The following MTFR2 variants were observed in gnomAD, a reference collection of about 807,000 sequenced individuals.
MTFR2 encodes mitochondrial fission regulator 2, also known as DUF729 domain-containing protein 1.
A neutral mutation model predicts 41.2 loss-of-function variants in MTFR2; 44 were observed. That is an observed-to-expected ratio of 1.07 (90% confidence interval 0.84 to 1.37). The LOEUF is 1.37. MTFR2 is among the 40% of genes most tolerant of loss of function. The probability of loss-of-function intolerance (pLI) is 0.00; values close to 1 mark genes in which losing one functional copy is unlikely to be tolerated. For missense variants in MTFR2, 452 were observed against 459.5 expected (o/e 0.98, Z 0.15); for synonymous variants, 141 against 154.6 (o/e 0.91, Z 0.65).
intron 2 of MTFR2, chr6:136,248,761 C>T: frequency 5.0e-6 from 2 of 400,466 alleles, no homozygotes; most frequent in Non-Finnish European, 4.4e-6. Context: ...TTTAATGTAT[C>T]TGTGCAATAA....
At position 136,242,296 on chromosome 6, in the gene MTFR2, T is replaced by C. The variant is rs79567913; in HGVS notation, c.281+565A>G. ...AACCAAAATAATTACCTGCAATTGT[T>C]CTACTTATTAACTTTAAACGCAGGT... On this transcript the variant is annotated intron_variant, in intron 4 of 7. Coordinates refer to ENST00000420702, the MANE Select transcript of MTFR2 (RefSeq NM_001099286.3). Among the ~76,000 whole-genome samples the C allele has an allele frequency of 4.5e-3, 679 of 152,278 alleles. 14 individuals are homozygous for C. The highest frequency in any genetic ancestry group is 0.034 in the Admixed American group (527 of 15,288).
rs530975360 is a variant in MTFR2 at position 136,236,888 on chromosome 6, T to G, written c.869+2578A>C. ...TCCTACTAAAATGACAGTAAAGAAA[T>G]GAAAAAGATCTATATATCCACAAGG... is the stretch of plus-strand genomic sequence containing the variant. On this transcript the variant is annotated intron_variant, in intron 6 of 7. Transcript: ENST00000420702. Among the ~76,000 whole-genome samples, 15 of 151,980 alleles carry G rather than the reference T, an allele frequency of 9.9e-5. No homozygotes were observed. The South Asian group carries it at 3.1e-3, about 32-fold the overall frequency.
chr6:136,240,818 G>A (rs532154326), intron 5 of MTFR2, among the ~76,000 whole-genome samples: 332 of 152,292 alleles, frequency 2.2e-3, no homozygotes, highest in Non-Finnish European at 3.2e-3. Flanking sequence ...AGGGCCGGGC[G>A]CGGTGGCTCA....
chr6:136,242,103 A>C (rs1007786694), intron 4 of MTFR2, among the ~76,000 whole-genome samples: 1 of 150,624 alleles, frequency 6.6e-6, no homozygotes, highest in Non-Finnish European at 1.5e-5. Flanking sequence ...AAAAAAAAAA[A>C]AAAAACCTAC....
intron 5 of MTFR2, among the ~76,000 whole-genome samples, chr6:136,240,825 C>A (rs967816120): frequency 6.6e-6 from 1 of 150,854 alleles, no homozygotes; most frequent in Non-Finnish European, 1.5e-5. Context: ...GGCGCGGTGG[C>A]TCACGCCTGT....
chr6:136,231,491 T>C, intron 7 of MTFR2, 103 bp from the exon 8 acceptor site: 2 of 685,486 alleles, frequency 2.9e-6, no homozygotes, highest in South Asian at 3.6e-5. Context: ...TCATTCACAA[T>C]ATTTATTTAC....
Position 136,249,151 on chromosome 6 carries a change from T to C in MTFR2, c.-52A>G. On this transcript the variant is annotated splice_region_variant and 5_prime_UTR_variant, in exon 2 of 8. Coordinates refer to ENST00000420702, the MANE Select transcript of MTFR2 (RefSeq NM_001099286.3). ...CAAAGGAACATTATCAGTTTCTTGG[T>C]GCCTTTGGGGAAAATTTTAGAAAAT... 1 of 1,475,464 alleles carries C rather than the reference T, an allele frequency of 6.8e-7. No homozygotes were observed. The highest frequency in any genetic ancestry group is 9.1e-7 in the Non-Finnish European group (1 of 1,098,106). The allele number at this position is 1,475,464 out of a possible 1,614,324, so 91.4% of individuals were successfully genotyped here. A position where few individuals can be genotyped will look rare whatever the true frequency, so the allele number is the denominator to read the frequency against.
chr6:136,238,350 T>C (rs1779959881), intron 6 of MTFR2, among the ~76,000 whole-genome samples: 1 of 152,196 alleles, frequency 6.6e-6, no homozygotes, highest in Non-Finnish European at 1.5e-5. Flanking sequence ...GGCTCTTGCC[T>C]GTAATCCCAG....
chr6:136,231,871 A>C (rs1179449609), intron 7 of MTFR2, among the ~76,000 whole-genome samples: 1 of 149,074 alleles, frequency 6.7e-6, no homozygotes, highest in Non-Finnish European at 1.5e-5. Flanking sequence ...AAACATCCTC[A>C]AATTTTAAGA....
Position 136,231,287 on chromosome 6 carries a change from G to A in MTFR2, c.1146C>T (p.Asn382=). Residue 382 remains asparagine (N), a synonymous_variant, in exon 8 of 8, where the codon AAC becomes AAT. Coordinates refer to ENST00000420702, the MANE Select transcript of MTFR2 (RefSeq NM_001099286.3). ...DQGISNTSLL[N]SRI ...CCTTAAGTTGAGTTTAAATCCTTGA[G>A]TTTAGAAGGCTTGTGTTGCTGATAC... 1.9e-6 allele frequency: 3 copies of A among 1,608,646 alleles called. No homozygotes were observed. The highest frequency in any genetic ancestry group is 2.5e-6 in the Non-Finnish European group (3 of 1,176,774).
At chr6:136,237,045 T>A (rs1336610253) in intron 6 of MTFR2, among the ~76,000 whole-genome samples, 1 of 152,114 alleles carries the variant, frequency 6.6e-6, no homozygotes, top group African/African-American at 2.4e-5. Flanking sequence ...ATAAGACACT[T>A]CTCTCTTGCT....
At chr6:136,241,821 GTAATCCCAACACTTT>G in intron 4 of MTFR2, 145 bp from the exon 5 acceptor site, 1 of 663,642 alleles carries the variant, frequency 1.5e-6, no homozygotes, top group Non-Finnish European at 2.5e-6. Context: ...GCTCACACCT[GTAATCCCAACACTTT>G]GGGGGCTGAG....
intron 6 of MTFR2, among the ~76,000 whole-genome samples, chr6:136,237,129 G>A: frequency 6.6e-6 from 1 of 152,144 alleles, no homozygotes; most frequent in East Asian, 1.9e-4. Context: ...CTGACCACAA[G>A]GGAGAATGAA....
rs1176192226 is a variant in MTFR2 at position 136,250,067 on chromosome 6, T to G, written c.-146A>C. 3 of 152,202 alleles carry G rather than the reference T, an allele frequency of 2.0e-5. No individual in the cohort carries two copies. The highest frequency in any genetic ancestry group is 2.9e-5 in the Non-Finnish European group (2 of 68,070). 9.4% of individuals were successfully genotyped at this position (152,202 alleles called of 1,614,324 possible). Reference sequence around the variant, plus strand: ...TCAAATTCCAGACTGCGCCACTCCTTGTGCAGATCGCTCAGACGTCTACCC... The same window carrying G: ...TCAAATTCCAGACTGCGCCACTCCTGGTGCAGATCGCTCAGACGTCTACCC... On this transcript the variant is annotated 5_prime_UTR_variant, in exon 1 of 8. Coordinates refer to ENST00000420702, the MANE Select transcript of MTFR2 (RefSeq NM_001099286.3).
chr6:136,236,083 T>C (rs1375112769), intron 6 of MTFR2, among the ~76,000 whole-genome samples: 1 of 152,162 alleles, frequency 6.6e-6, no homozygotes, highest in Non-Finnish European at 1.5e-5. Context: ...TTTTCATGGG[T>C]AGAAGGCAGC....
chr6:136,247,393 T>C, intron 2 of MTFR2: 1 of 396,468 alleles, frequency 2.5e-6, no homozygotes, highest in South Asian at 1.8e-5. Context: ...ACTTTCATTC[T>C]GTTCTTTAAG....
chr6:136,243,009 G>C, intron 3 of MTFR2, 36 bp from the exon 4 acceptor site: 1 of 1,470,564 alleles, frequency 6.8e-7, no homozygotes, highest in Non-Finnish European at 9.3e-7. Context: ...TCAGAGCTCT[G>C]CAGGGAGTCA....
intron 6 of MTFR2, among the ~76,000 whole-genome samples, chr6:136,239,045 G>A (rs1779980001): frequency 6.6e-6 from 1 of 152,192 alleles, no homozygotes; most frequent in Non-Finnish European, 1.5e-5. Flanking sequence ...TACAGCCTGG[G>A]TTACAATATG....
In MTFR2 at chr6:136,244,861, C is replaced by G. The variant is rs1329937615; in HGVS notation, c.72G>C (p.Leu24=). The change falls in exon 3 of 8, where the codon CTG becomes CTC. Residue 24 remains leucine (L), a synonymous_variant. Transcript: ENST00000420702. ...ATCCATAGTCTTTATTTTCCCAAAT[C>G]AGCAAAACCTATTTTAAACATAAAG... is the stretch of plus-strand genomic sequence containing the variant. The part of the protein sequence containing the change: ...YFGVPVEQVL[L]IWENKDYGST... The G allele has an allele frequency of 2.5e-6, 4 of 1,604,120 alleles. No homozygotes were observed. The highest frequency in any genetic ancestry group is 3.4e-6 in the Non-Finnish European group (4 of 1,174,032).
Sources: allele counts gnomAD v4.1 joint callset (sites outside exome capture counted in the v4.1 genomes callset), GRCh38; gene constraint gnomAD v4.1.1; transcripts MANE v1.5; gene names NCBI Gene and HGNC (gene_info 2026-07-23, HGNC 2026-07-21).